PPP2R2B: variants seen among roughly 807,000 people sequenced by gnomAD.
PPP2R2B encodes serine/threonine-protein phosphatase 2A 55 kDa regulatory subunit B beta isoform.
PPP2R2B carries 5 observed loss-of-function variants against 46.0 expected under a neutral mutation model. The ratio of observed to expected loss-of-function variants is 0.11; its 90% CI spans 0.06 to 0.23. The LOEUF (loss-of-function observed/expected upper bound fraction) is 0.23. Ranked by LOEUF, PPP2R2B falls within the 10% of genes least tolerant of loss-of-function variation. The pLI is 1.00. For synonymous variants in PPP2R2B, 215 were observed against 206.7 expected (o/e 1.04, Z -0.34); for missense variants, 367 against 575.0 (o/e 0.64, Z 3.70).
intron 1 of PPP2R2B, among the ~76,000 whole-genome samples, chr5:146,914,764 A>G (rs1763317629): frequency 6.6e-6 from 1 of 152,232 alleles, no homozygotes; most frequent in Admixed American, 6.5e-5. Context: ...TTCTTTGGCT[A>G]CATAATGTAG....
chr5:146,697,194 T>C (rs1309601465), intron 4 of PPP2R2B, among the ~76,000 whole-genome samples: 1 of 152,226 alleles, frequency 6.6e-6, no homozygotes, highest in Admixed American at 6.5e-5. Context: ...AGTGTTTAAT[T>C]TTTAAATACG....
chr5:146,670,590 A>G (rs6876701), intron 5 of PPP2R2B, among the ~76,000 whole-genome samples: 142,942 of 151,856 alleles, frequency 0.94, 67,640 homozygotes, highest in East Asian at 1. Flanking sequence ...CCGCCTCCCG[A>G]GTTCAAACAA....
intron 7 of PPP2R2B, among the ~76,000 whole-genome samples, chr5:146,622,222 C>T (rs1248528456): frequency 6.6e-6 from 1 of 152,068 alleles, no homozygotes; most frequent in Non-Finnish European, 1.5e-5. Context: ...TTTTCTGGGC[C>T]CAATTTTCTC....
Position 146,581,871 on chromosome 5 carries a change from G to T in PPP2R2B, c.*8076C>A, listed in dbSNP as rs1400198537. 3 of 152,194 alleles carry T rather than the reference G, an allele frequency of 2.0e-5. No homozygotes were observed. In the East Asian group the frequency reaches 5.8e-4, roughly 29 times the overall value. 9.4% of individuals were successfully genotyped at this position (152,194 alleles called of 1,614,324 possible). A position where few individuals can be genotyped will look rare whatever the true frequency, so the allele number is the denominator to read the frequency against. The stretch of plus-strand genomic sequence containing the variant: ...AAAACCAATGGTCTAGATGAAATAT[G>T]ACTTTCAATTATGCCACAGTCAGAG... On this transcript the variant is annotated 3_prime_UTR_variant, in exon 10 of 10. Transcript: ENST00000394411.
intron 7 of PPP2R2B, among the ~76,000 whole-genome samples, chr5:146,623,136 A>G (rs1432746998): frequency 6.6e-6 from 1 of 152,228 alleles, no homozygotes; most frequent in African/African-American, 2.4e-5. Context: ...GATTAACACA[A>G]ATTTGTGGTT....
chr5:146,816,143 C>T (rs1757918825), intron 2 of PPP2R2B, among the ~76,000 whole-genome samples: 1 of 152,106 alleles, frequency 6.6e-6, no homozygotes, highest in South Asian at 2.1e-4. Context: ...TGGGCTCATG[C>T]CTGTAATCCT....
chr5:147,036,038 G>A (rs1220570568), intron 1 of PPP2R2B, among the ~76,000 whole-genome samples: 2 of 152,066 alleles, frequency 1.3e-5, no homozygotes, highest in Non-Finnish European at 2.9e-5. Context: ...GGATACATGT[G>A]CAGGATGTGC....
intron 1 of PPP2R2B, among the ~76,000 whole-genome samples, chr5:147,032,503 A>T (rs1048935621): frequency 6.6e-6 from 1 of 150,386 alleles, no homozygotes; most frequent in African/African-American, 2.4e-5. Flanking sequence ...TTTAGCTCTC[A>T]CCCCCCTCTC....
intron 2 of PPP2R2B, among the ~76,000 whole-genome samples, chr5:146,821,070 C>T (rs1157560593): frequency 9.9e-5 from 15 of 152,146 alleles, no homozygotes; most frequent in Admixed American, 9.8e-4. Flanking sequence ...CCTGGCTTCT[C>T]ACCAGGTCAC....
intron 2 of PPP2R2B, among the ~76,000 whole-genome samples, chr5:147,075,711 T>A (rs527376701): frequency 6.6e-6 from 1 of 152,264 alleles, no homozygotes; most frequent in East Asian, 1.9e-4. Context: ...CTGAAAACTA[T>A]CTTAATTCCT....
chr5:146,842,334 C>T (rs970408665), intron 2 of PPP2R2B, among the ~76,000 whole-genome samples: 2 of 151,770 alleles, frequency 1.3e-5, no homozygotes, highest in African/African-American at 4.8e-5. Context: ...TTCCCACCCC[C>T]ACACATCCCC....
chr5:146,728,529 T>A (rs907299841), intron 2 of PPP2R2B, among the ~76,000 whole-genome samples: 1 of 152,162 alleles, frequency 6.6e-6, no homozygotes, highest in Non-Finnish European at 1.5e-5. Flanking sequence ...TACTTTGCTC[T>A]CCTGTCTTCG....
chr5:146,843,937 A>G (rs1211639154), intron 2 of PPP2R2B, among the ~76,000 whole-genome samples: 1 of 151,826 alleles, frequency 6.6e-6, no homozygotes, highest in East Asian at 1.9e-4. Context: ...TTATAGCAGC[A>G]TGATTTATAG....
chr5:146,833,287 T>A (rs1382886274), intron 2 of PPP2R2B, among the ~76,000 whole-genome samples: 1 of 152,118 alleles, frequency 6.6e-6, no homozygotes, highest in African/African-American at 2.4e-5. Flanking sequence ...TTTATCTACA[T>A]CCCCAAGTAG....
chr5:146,691,160 G>A lies in PPP2R2B; in HGVS notation c.415C>T (p.Leu139Phe), dbSNP rs1254691315. 6.2e-7 allele frequency: 1 copy of A among 1,614,182 alleles called. No individual in the cohort carries two copies. The highest frequency in any genetic ancestry group is 1.7e-5 in the Admixed American group (1 of 60,030). Residue 139 changes from leucine (L) to phenylalanine (F), a missense_variant, in exon 5 of 10, where the codon CTC (leucine) becomes TTC (phenylalanine). Physicochemically the swap from Leu to Phe is conservative, Grantham distance 22. Transcript: ENST00000394411. ...GYNLKDEEGR[L>F]RDPATITTLR... The stretch of plus-strand genomic sequence containing the variant: ...GTTGTGATGGTGGCAGGATCCCGGA[G>A]CCGGCCCTCCTCATCTTTCAGATTG...
At chr5:146,908,781 CCCTT>C (rs1561510959) in intron 1 of PPP2R2B, among the ~76,000 whole-genome samples, 18 of 150,562 alleles carry the variant, frequency 1.2e-4, no homozygotes, top group Admixed American at 4.6e-4. Flanking sequence ...TTCCCGCCCT[CCCTT>C]CCTCCCTTCC....
At chr5:146,699,860 C>G (rs897421987) in intron 3 of PPP2R2B, among the ~76,000 whole-genome samples, 1 of 151,910 alleles carries the variant, frequency 6.6e-6, no homozygotes, top group Non-Finnish European at 1.5e-5. Context: ...GTAGTATGTG[C>G]CAGACCAATT....
At chr5:146,603,771 T>C (rs946935820) in intron 7 of PPP2R2B, among the ~76,000 whole-genome samples, 1 of 152,230 alleles carries the variant, frequency 6.6e-6, no homozygotes, top group African/African-American at 2.4e-5. Context: ...AAACAGCCTA[T>C]GAAGTAGGAA....
intron 2 of PPP2R2B, among the ~76,000 whole-genome samples, chr5:146,725,463 T>C (rs553865445): frequency 1.3e-5 from 2 of 152,328 alleles, no homozygotes; most frequent in African/African-American, 2.4e-5. Context: ...GAAGCTAGGA[T>C]ATGCATGCAT....
Sources: allele counts gnomAD v4.1 joint callset (sites outside exome capture counted in the v4.1 genomes callset), GRCh38; gene constraint gnomAD v4.1.1; transcripts MANE v1.5; gene names NCBI Gene and HGNC (gene_info 2026-07-23, HGNC 2026-07-21).